Variants in ARHGEF3 observed in about 807,000 individuals in gnomAD.
ARHGEF3 encodes the protein Rho guanine nucleotide exchange factor 3, also known as 59.8 kDA protein.
A neutral mutation model predicts 63.2 loss-of-function variants in ARHGEF3; 28 were observed. That is an observed-to-expected ratio of 0.44 (90% confidence interval 0.33 to 0.61). The LOEUF (loss-of-function observed/expected upper bound fraction) is 0.61. ARHGEF3 is among the 20% of genes least tolerant of loss of function. The pLI, the probability that ARHGEF3 is intolerant of heterozygous loss-of-function variation, is 0.03. For synonymous variants in ARHGEF3, 266 were observed against 254.2 expected (o/e 1.05, Z -0.44); for missense variants, 533 against 659.3 (o/e 0.81, Z 2.10).
intron 1 of ARHGEF3, among the ~76,000 whole-genome samples, chr3:57,066,708 T>C (rs1362105611): frequency 2.0e-5 from 3 of 152,182 alleles, no homozygotes; most frequent in Admixed American, 6.5e-5. Context: ...ATTTTTTAGA[T>C]GAGATTAACA....
At chr3:56,849,075 C>T (rs1285463431) in intron 4 of ARHGEF3, among the ~76,000 whole-genome samples, 2 of 152,188 alleles carry the variant, frequency 1.3e-5, no homozygotes, top group African/African-American at 4.8e-5. Context: ...AGTAAAACCA[C>T]TAAAAGAGCT....
intron 4 of ARHGEF3, among the ~76,000 whole-genome samples, chr3:56,867,904 T>C (rs967778399): frequency 4.6e-5 from 7 of 152,180 alleles, no homozygotes; most frequent in African/African-American, 1.7e-4. Context: ...GGCATGACCA[T>C]CTGGAGGAAG....
chr3:56,743,583 T>C (rs6798079), intron 7 of ARHGEF3, among the ~76,000 whole-genome samples: 1 of 152,168 alleles, frequency 6.6e-6, no homozygotes, highest in Admixed American at 6.5e-5. Flanking sequence ...ACATAACCTA[T>C]GAGGCAAATT....
At chr3:57,073,675 C>T (rs1579226025) in intron 1 of ARHGEF3, 1 of 1,596,872 alleles carries the variant, frequency 6.3e-7, no homozygotes, top group South Asian at 1.1e-5. Context: ...CTGGAGAATT[C>T]TGTTTTTGAC....
At chr3:56,837,865 G>A (rs908829727) in intron 4 of ARHGEF3, among the ~76,000 whole-genome samples, 3 of 152,116 alleles carry the variant, frequency 2.0e-5, no homozygotes, top group South Asian at 2.1e-4. Context: ...ATGCTAGAAC[G>A]GCAGGATTAC....
At chr3:56,840,518 T>A (rs1180712780) in intron 4 of ARHGEF3, among the ~76,000 whole-genome samples, 1 of 152,224 alleles carries the variant, frequency 6.6e-6, no homozygotes, top group Admixed American at 6.5e-5. Context: ...CAGTTCATTG[T>A]TTACAGACCG....
chr3:57,001,908 T>TGA (rs1317629330), intron 2 of ARHGEF3, among the ~76,000 whole-genome samples: 1 of 146,916 alleles, frequency 6.8e-6, no homozygotes, highest in Non-Finnish European at 1.5e-5. Context: ...AAACCCAAAG[T>TGA]GAGATAGTTT....
intron 1 of ARHGEF3, among the ~76,000 whole-genome samples, chr3:56,779,506 T>G (rs1459499719): frequency 6.6e-6 from 1 of 152,218 alleles, no homozygotes; most frequent in Non-Finnish European, 1.5e-5. Flanking sequence ...TTTGTTTGTT[T>G]TTTTGAGACG....
chr3:56,900,065 G>A (rs2041454118), intron 3 of ARHGEF3, among the ~76,000 whole-genome samples: 1 of 152,154 alleles, frequency 6.6e-6, no homozygotes, highest in Non-Finnish European at 1.5e-5. Context: ...GGTTTGGGGA[G>A]TGAACGGGAA....
Position 56,735,646 on chromosome 3 carries a change from G to A in ARHGEF3, c.1041+1539C>T, listed in dbSNP as rs572141040. ...TCTCATTGGGCTTCCTAGAAAGAAC[G>A]TTCAAGGAGCTTGGTGTAAGATACT... On this transcript the variant is annotated intron_variant, in intron 8 of 9. Transcript: ENST00000296315. Among the ~76,000 whole-genome samples the A allele has an allele frequency of 1.2e-3, 182 of 152,298 alleles. 3 individuals are homozygous for A. The highest frequency in any genetic ancestry group is 3.1e-3 in the Admixed American group (47 of 15,298).
At chr3:57,012,805 C>T (rs555231534) in intron 2 of ARHGEF3, among the ~76,000 whole-genome samples, 10 of 152,334 alleles carry the variant, frequency 6.6e-5, no homozygotes, top group African/African-American at 1.7e-4. Context: ...CCCTTCAGCC[C>T]ACCGCTGCAC....
chr3:56,768,975 C>T (rs971303336), intron 2 of ARHGEF3, among the ~76,000 whole-genome samples: 1 of 152,162 alleles, frequency 6.6e-6, no homozygotes, highest in Non-Finnish European at 1.5e-5. Context: ...GCTCAGAGTA[C>T]GTGAGCTCTG....
At chr3:56,908,246 C>T (rs1262909190) in intron 3 of ARHGEF3, among the ~76,000 whole-genome samples, 1 of 152,176 alleles carries the variant, frequency 6.6e-6, no homozygotes, top group African/African-American at 2.4e-5. Context: ...AACAATGCAC[C>T]AGAGAACAAA....
intron 2 of ARHGEF3, among the ~76,000 whole-genome samples, chr3:56,995,051 T>C (rs1323855172): frequency 2.0e-5 from 3 of 152,148 alleles, no homozygotes; most frequent in Non-Finnish European, 4.4e-5. Flanking sequence ...CTCAGGAGAC[T>C]GGGCCTCAGT....
intron 3 of ARHGEF3, among the ~76,000 whole-genome samples, chr3:56,906,762 C>T (rs13101124): frequency 0.16 from 24,294 of 150,316 alleles, 2,091 homozygotes; most frequent in Non-Finnish European, 0.18. Context: ...CTTGAACCTG[C>T]GAGGCAAGAG....
At chr3:56,893,322 C>G (rs1488077087) in intron 3 of ARHGEF3, among the ~76,000 whole-genome samples, 1 of 152,156 alleles carries the variant, frequency 6.6e-6, no homozygotes, top group African/African-American at 2.4e-5. Flanking sequence ...GGATTACAGG[C>G]ATGTGCCACT....
At chr3:56,846,416 T>C (rs11130549) in intron 4 of ARHGEF3, among the ~76,000 whole-genome samples, 44,354 of 151,918 alleles carry the variant, frequency 0.29, 7,140 homozygotes, top group Non-Finnish European at 0.37. Flanking sequence ...GTAACAGGAA[T>C]TAATCATTAG....
chr3:56,794,127 T>C (rs1183497083), intron 1 of ARHGEF3, among the ~76,000 whole-genome samples: 1 of 151,922 alleles, frequency 6.6e-6, no homozygotes, highest in African/African-American at 2.4e-5. Context: ...AGAATGCACA[T>C]GAGTGTGGAG....
At chr3:56,738,464 G>T (rs2033794759) in intron 7 of ARHGEF3, among the ~76,000 whole-genome samples, 1 of 152,082 alleles carries the variant, frequency 6.6e-6, no homozygotes, top group Non-Finnish European at 1.5e-5. Flanking sequence ...GAGCCACCAC[G>T]CCTGGCCTGG....
Sources: gnomAD v4.1 joint callset for allele counts (sites outside exome capture counted in the v4.1 genomes callset) on GRCh38, gnomAD v4.1.1 for gene constraint, MANE v1.5 for transcripts, NCBI Gene and HGNC (gene_info 2026-07-23, HGNC 2026-07-21) for gene names.